MTERF4: variants seen among roughly 807,000 people sequenced by gnomAD.
The protein encoded by MTERF4 is mitochondrial transcription termination factor 4.
Under a neutral mutation model 22.5 loss-of-function variants are expected in MTERF4, and 17 were observed. The ratio of observed to expected loss-of-function variants is 0.75; its 90% CI spans 0.52 to 1.13. MTERF4 has a LOEUF of 1.13. MTERF4 is among the 50% of genes most tolerant of loss of function. The pLI, the probability that MTERF4 is intolerant of heterozygous loss-of-function variation, is 0.00. For missense variants in MTERF4, 420 were observed against 466.8 expected (o/e 0.90, Z 0.92); for synonymous variants, 165 against 175.3 (o/e 0.94, Z 0.47).
At chr2:241,093,799 T>G (rs866245226), downstream of MTERF4, 1 of 152,468 alleles carries the variant, frequency 6.6e-6, no homozygotes, top group African/African-American at 2.4e-5. Flanking sequence ...CCATGTGGCT[T>G]CTTTTAAAAA....
At position 241,073,140 on chromosome 2, in the gene MTERF4, G is replaced by A. The variant is rs180925064; in HGVS notation, n.3022C>T. On this transcript the variant is annotated non_coding_transcript_exon_variant, in exon 5 of 5. Coordinates refer to the MTERF4 transcript ENST00000464344. The surrounding 1 kb of genome is among the most constrained non-coding windows in gnomAD (Gnocchi z 6.6). Reference sequence around the variant, plus strand: ...GGCCGACAGGTGCTGGGGCCACGCAGGGAGCCTGGTCCCCACCAGGGACAT... The same window carrying A: ...GGCCGACAGGTGCTGGGGCCACGCAAGGAGCCTGGTCCCCACCAGGGACAT... 4.2e-4 allele frequency: 289 copies of A among 680,594 alleles called. 1 individual carries two copies. The African/African-American group carries it at 4.7e-3, about 11-fold the overall frequency. 42.2% of individuals were successfully genotyped at this position (680,594 alleles called of 1,614,324 possible). A position where few individuals can be genotyped will look rare whatever the true frequency, so the allele number is the denominator to read the frequency against.
chr2:241,089,467 C>A (rs1452237007), downstream of MTERF4: 7 of 1,528,462 alleles, frequency 4.6e-6, no homozygotes, highest in Non-Finnish European at 4.4e-6. Flanking sequence ...GGAAGAGTGT[C>A]CACACCCCCT....
downstream of MTERF4, chr2:241,082,189 G>GGGCTTTAGGGCAA: frequency 9.5e-7 from 1 of 1,048,478 alleles, no homozygotes; most frequent in Non-Finnish European, 1.4e-6. Context: ...AAGGACCCCC[G>GGGCTTTAGGGCAA]GGCCCTCTCC....
downstream of MTERF4, among the ~76,000 whole-genome samples, chr2:241,086,068 T>A (rs1428594570): frequency 6.6e-6 from 1 of 152,108 alleles, no homozygotes; most frequent in Non-Finnish European, 1.5e-5. Context: ...GGTTTCACCA[T>A]GTTGGCCAGG....
the MTERF4 span, chr2:241,053,053 G>A: frequency 2.6e-6 from 3 of 1,165,790 alleles, no homozygotes; most frequent in South Asian, 1.5e-5. Flanking sequence ...GTGGGAGCAG[G>A]ACATCCCTGG....
At chr2:241,100,033 A>G in intron 1 of MTERF4, 139 bp from the exon 2 acceptor site, 2 of 1,068,998 alleles carry the variant, frequency 1.9e-6, no homozygotes, top group South Asian at 1.7e-5. Context: ...GCAAAATCCT[A>G]TCTGAACTTA....
the MTERF4 span, among the ~76,000 whole-genome samples, chr2:241,048,079 A>G: frequency 6.7e-6 from 1 of 150,242 alleles, no homozygotes; most frequent in South Asian, 2.1e-4. Flanking sequence ...GTTCTGTCCA[A>G]TCCTGGGTGG....
downstream of MTERF4, among the ~76,000 whole-genome samples, chr2:241,070,809 G>A (rs1441555743): frequency 6.6e-6 from 1 of 152,240 alleles, no homozygotes; most frequent in Non-Finnish European, 1.5e-5. Context: ...TGCAGGAGCA[G>A]AACAGGGAGA....
chr2:241,051,981 GA>G, the MTERF4 span: 1 of 1,534,636 alleles, frequency 6.5e-7, no homozygotes. The surrounding 1 kb of genome is among the most constrained non-coding windows in gnomAD (Gnocchi z 4.7). Context: ...CCAGCTCTGG[GA>G]TGTTGGGGAA....
At chr2:241,099,145 G>T in intron 2 of MTERF4, 1 of 409,184 alleles carries the variant, frequency 2.4e-6, no homozygotes, top group East Asian at 4.5e-5. Context: ...CGCCATCTCA[G>T]CTCACTGCAA....
chr2:241,101,205 C>T (rs1433726339), intron 1 of MTERF4: 3 of 466,830 alleles, frequency 6.4e-6, no homozygotes, highest in Non-Finnish European at 1.3e-5. Flanking sequence ...TGTTTTCCTA[C>T]AACCAGGAGG....
chr2:241,050,366 C>G, the MTERF4 span, among the ~76,000 whole-genome samples: 1 of 152,206 alleles, frequency 6.6e-6, no homozygotes, highest in Admixed American at 6.5e-5. Context: ...CGCCAGGCCC[C>G]ACCCAGGACT....
the MTERF4 span, among the ~76,000 whole-genome samples, chr2:241,060,128 T>A: frequency 6.6e-6 from 1 of 152,030 alleles, no homozygotes; most frequent in African/African-American, 2.4e-5. Flanking sequence ...AAAAACATGA[T>A]AAATTTTTAA....
intron 4 of MTERF4, among the ~76,000 whole-genome samples, chr2:241,078,753 C>A (rs2063170130): frequency 6.6e-6 from 1 of 151,756 alleles, no homozygotes; most frequent in South Asian, 2.1e-4. Flanking sequence ...TGCTTAAAAC[C>A]AATAAATTGT....
chr2:241,089,801 C>G (rs866808860), downstream of MTERF4, among the ~76,000 whole-genome samples: 2 of 152,262 alleles, frequency 1.3e-5, no homozygotes, highest in African/African-American at 4.8e-5. Flanking sequence ...TTAGAACAAA[C>G]CTAGATGGCA....
At chr2:241,080,301 T>C (rs978015794) in intron 4 of MTERF4, among the ~76,000 whole-genome samples, 4 of 151,846 alleles carry the variant, frequency 2.6e-5, no homozygotes, top group African/African-American at 7.3e-5. Context: ...ATAAATAAAA[T>C]CTTGTTTGTC....
In MTERF4 at chr2:241,081,921, T is replaced by C. The variant is rs2063346865; in HGVS notation, n.480-6239A>G. The C allele has an allele frequency of 4.2e-6, 3 of 714,450 alleles. No individual in the cohort carries two copies. In the South Asian group the frequency reaches 5.0e-5, roughly 12 times the overall value. The allele number at this position is 714,450 out of a possible 1,614,324, so 44.3% of individuals were successfully genotyped here. ...ATGAGGTGCCAGACAGGGAGTCTGG[T>C]GCACGGGGCTGACCCCTGAGCCCCC... On this transcript the variant is annotated intron_variant and non_coding_transcript_variant, in intron 4 of 4. Transcript: ENST00000464344.
chr2:241,097,368 T>C lies in MTERF4; in HGVS notation c.580A>G (p.Ile194Val). 2.5e-6 allele frequency: 4 copies of C among 1,614,266 alleles called. No individual in the cohort carries two copies. The highest frequency in any genetic ancestry group is 3.4e-6 in the Non-Finnish European group (4 of 1,180,048). ...PEIFTMRQQD[I>V]NDTVRLLKEK... is the part of the protein sequence containing the mutation. ...TTGAGAAGCCTGACAGTGTCGTTAATGTCCTGCTGGCGCATGGTGAAAATT... is the reference window on the plus strand; with the variant it reads ...TTGAGAAGCCTGACAGTGTCGTTAACGTCCTGCTGGCGCATGGTGAAAATT... Residue 194 changes from isoleucine to valine, a missense_variant, in exon 3 of 4, where the codon ATT becomes GTT. By Grantham distance (29) the Ile-to-Val change is conservative (BLOSUM62 3). Transcript: ENST00000391980.
chr2:241,052,646 GCAGGGTACATGGGACACCGGT>G, the MTERF4 span, among the ~76,000 whole-genome samples: 3 of 115,928 alleles, frequency 2.6e-5, no homozygotes, highest in Non-Finnish European at 3.5e-5. Flanking sequence ...GGGGGGCCAA[GCAGGGTACATGGGACACCGGT>G]GCCAGGCAGG....
Sources: gnomAD v4.1 joint callset for allele counts (sites outside exome capture counted in the v4.1 genomes callset) on GRCh38, gnomAD v4.1.1 for gene constraint, Gnocchi (gnomAD v3.1) non-coding constraint, MANE v1.5 for transcripts, NCBI Gene and HGNC (gene_info 2026-07-23, HGNC 2026-07-21) for gene names.